Variants in CMTM4 observed in about 807,000 individuals in gnomAD.
CMTM4 encodes the protein CKLF like MARVEL transmembrane domain containing 4.
CMTM4 carries 8 observed loss-of-function variants against 19.0 expected under a neutral mutation model. The observed-to-expected ratio is 0.42, with a 90% confidence interval of 0.25 to 0.76. CMTM4 has a LOEUF of 0.76. Among genes scored for constraint, CMTM4 ranks in the 30% least tolerant of loss-of-function variants. CMTM4 has a pLI of 0.27. For missense variants in CMTM4, 228 were observed against 290.2 expected (o/e 0.79, Z 1.56); for synonymous variants, 106 against 121.1 (o/e 0.88, Z 0.82).
At chr16:66,614,561 C>T (rs1338775161), downstream of CMTM4, among the ~76,000 whole-genome samples, 1 of 152,188 alleles carries the variant, frequency 6.6e-6, no homozygotes, top group Non-Finnish European at 1.5e-5. This position sits in a 1 kb window ranked among gnomAD's most constrained non-coding sequence, Gnocchi z 4.9. Context: ...AGTGGAGAGG[C>T]CCCTGGTGGA....
chr16:66,646,425 G>A (rs2016200223), intron 1 of CMTM4, among the ~76,000 whole-genome samples: 1 of 151,856 alleles, frequency 6.6e-6, no homozygotes, highest in African/African-American at 2.4e-5. Flanking sequence ...GTATATAACT[G>A]CATGTATGTA....
chr16:66,637,772 G>A (rs944175188), intron 1 of CMTM4, among the ~76,000 whole-genome samples: 2 of 152,154 alleles, frequency 1.3e-5, no homozygotes, highest in African/African-American at 4.8e-5. Context: ...CTCCCGCTCC[G>A]CCCAGTTCAG....
the CMTM4 span, among the ~76,000 whole-genome samples, chr16:66,603,522 C>T: frequency 3.9e-5 from 6 of 152,222 alleles, no homozygotes; most frequent in Admixed American, 3.3e-4. Flanking sequence ...CTCCTGACCT[C>T]GTGATCCACC....
In CMTM4 at chr16:66,622,116, G is replaced by C. The variant is rs1197310431; in HGVS notation, c.569C>G (p.Ala190Gly). Residue 190 changes from alanine to glycine, a missense_variant, in exon 4 of 4, where the codon GCC (alanine) becomes GGC (glycine). This residue lies in a region of CMTM4 where 200 missense variants were observed against 226.6 expected (regional missense o/e 0.88). Transcript: ENST00000394106. This position sits in a 1 kb window ranked among gnomAD's most constrained non-coding sequence, Gnocchi z 4.0. Reference sequence around the variant, plus strand: ...GTCCACATCCCTGGACTCCGTGCGGGCTCGGATGTAGTCATTGGTGCTCTG... The same window carrying C: ...GTCCACATCCCTGGACTCCGTGCGGCCTCGGATGTAGTCATTGGTGCTCTG... ...RQQSTNDYIR[A>G]RTESRDVDSR... 6.2e-7 allele frequency: 1 copy of C among 1,605,850 alleles called. No homozygotes were observed. The highest frequency in any genetic ancestry group is 8.5e-7 in the Non-Finnish European group (1 of 1,176,080).
chr16:66,642,577 G>A (rs1279894595), intron 1 of CMTM4, among the ~76,000 whole-genome samples: 1 of 152,102 alleles, frequency 6.6e-6, no homozygotes, highest in Non-Finnish European at 1.5e-5. Context: ...TTAGCTGGGT[G>A]TGGTGGCACA....
intron 1 of CMTM4, among the ~76,000 whole-genome samples, chr16:66,685,390 G>A (rs1172776509): frequency 2.6e-5 from 4 of 151,968 alleles, no homozygotes; most frequent in Admixed American, 2.0e-4. Context: ...ATGGCTCAGG[G>A]AAGACTGCTG....
At chr16:66,677,009 G>C (rs1291099777) in intron 1 of CMTM4, among the ~76,000 whole-genome samples, 2 of 152,260 alleles carry the variant, frequency 1.3e-5, no homozygotes, top group Non-Finnish European at 2.9e-5. Context: ...CAGTACTTTG[G>C]GGGCCAGGGC....
Position 66,619,006 on chromosome 16 carries a change from C to T in CMTM4, c.*3052G>A. On this transcript the variant is annotated 3_prime_UTR_variant, in exon 4 of 4. Coordinates refer to ENST00000394106, the MANE Select transcript of CMTM4 (RefSeq NM_181521.3). ...GCAGGCTGCCACATTCTTGCTTTTT[C>T]TGTAGACAAAAGTCACCTCCCTCGG... 1.0e-6 allele frequency: 1 copy of T among 985,478 alleles called. No homozygotes were observed. 61.0% of individuals were successfully genotyped at this position (985,478 alleles called of 1,614,324 possible).
intron 1 of CMTM4, among the ~76,000 whole-genome samples, chr16:66,664,781 A>G (rs2016562263): frequency 6.6e-6 from 1 of 152,182 alleles, no homozygotes; most frequent in Admixed American, 6.6e-5. Context: ...AGAGGGAACA[A>G]ACAGAAAATA....
intron 1 of CMTM4, among the ~76,000 whole-genome samples, chr16:66,654,584 C>CA (rs1206231661): frequency 6.6e-6 from 1 of 152,134 alleles, no homozygotes; most frequent in Non-Finnish European, 1.5e-5. Context: ...AATGTGAGTG[C>CA]AAAAATCCTC....
In CMTM4 at chr16:66,617,447, T is replaced by C. The variant is rs1359851922; in HGVS notation, c.*4611A>G. The C allele has an allele frequency of 6.6e-7, 1 of 1,525,626 alleles. No homozygotes were observed. Among genetic ancestry groups the C allele is most frequent in the Non-Finnish European group, 8.8e-7 (1 of 1,137,140 alleles). The allele number at this position is 1,525,626 out of a possible 1,614,324, so 94.5% of individuals were successfully genotyped here. On this transcript the variant is annotated 3_prime_UTR_variant, in exon 4 of 4. Coordinates refer to ENST00000394106, the MANE Select transcript of CMTM4 (RefSeq NM_181521.3). ...CCAGACAAAAGAAGGGAAAATACAATAGGACCCACTCCGCTTCAAGCTAAA... is the reference window on the plus strand; with the variant it reads ...CCAGACAAAAGAAGGGAAAATACAACAGGACCCACTCCGCTTCAAGCTAAA...
chr16:66,678,434 C>T (rs953972982), intron 1 of CMTM4, among the ~76,000 whole-genome samples: 2 of 152,142 alleles, frequency 1.3e-5, no homozygotes, highest in African/African-American at 2.4e-5. Context: ...TGAATGCTTT[C>T]GAAATGAACC....
chr16:66,653,969 G>C (rs532375876), intron 1 of CMTM4, among the ~76,000 whole-genome samples: 1 of 152,130 alleles, frequency 6.6e-6, no homozygotes, highest in East Asian at 1.9e-4. Context: ...TCAAACTCCT[G>C]GCCTCAAGTG....
intron 2 of CMTM4, among the ~76,000 whole-genome samples, chr16:66,624,923 G>A (rs985403493): frequency 6.6e-6 from 1 of 152,214 alleles, no homozygotes; most frequent in African/African-American, 2.4e-5. Context: ...GCGTAAGCCA[G>A]GGCAAATTTT....
chr16:66,649,216 C>G (rs2016263495), intron 1 of CMTM4, among the ~76,000 whole-genome samples: 1 of 152,070 alleles, frequency 6.6e-6, no homozygotes, highest in South Asian at 2.1e-4. Context: ...GAGACCCTGT[C>G]TCTTAAAAAA....
In CMTM4 at chr16:66,619,467, A is replaced by G; in HGVS notation, c.*2591T>C. 1.0e-6 allele frequency: 1 copy of G among 985,496 alleles called. No individual in the cohort carries two copies. Among genetic ancestry groups the G allele is most frequent in the Non-Finnish European group, 1.2e-6 (1 of 829,944 alleles). 61.0% of individuals were successfully genotyped at this position (985,496 alleles called of 1,614,324 possible). The stretch of plus-strand genomic sequence containing the variant: ...GAAAAACTAAGGTCGCTCAGCCTTC[A>G]AATGCCCCAAACCAAACTGATATTG... On this transcript the variant is annotated 3_prime_UTR_variant, in exon 4 of 4. Coordinates refer to ENST00000394106, the MANE Select transcript of CMTM4 (RefSeq NM_181521.3).
At chr16:66,692,405 G>T (rs969329217) in intron 1 of CMTM4, among the ~76,000 whole-genome samples, 2 of 152,134 alleles carry the variant, frequency 1.3e-5, no homozygotes, top group African/African-American at 4.8e-5. Context: ...ACACTGAAAG[G>T]ATATAGAAAG....
At chr16:66,683,127 G>GTA (rs2016946596) in intron 1 of CMTM4, among the ~76,000 whole-genome samples, 2 of 128,256 alleles carry the variant, frequency 1.6e-5, no homozygotes, top group South Asian at 2.6e-4. Flanking sequence ...GTGTGTGTGT[G>GTA]TGTATATATA....
intron 1 of CMTM4, among the ~76,000 whole-genome samples, chr16:66,674,624 G>A (rs1484739136): frequency 2.0e-5 from 3 of 151,764 alleles, no homozygotes; most frequent in African/African-American, 4.8e-5. Flanking sequence ...TCATCGAAAC[G>A]AGTCAGCAAG....
Sources: gnomAD v4.1 joint callset for allele counts (sites outside exome capture counted in the v4.1 genomes callset) on GRCh38, gnomAD v4.1.1 for gene constraint, gnomAD v4.1.1 regional missense constraint, Gnocchi (gnomAD v3.1) non-coding constraint, MANE v1.5 for transcripts, NCBI Gene and HGNC (gene_info 2026-07-23, HGNC 2026-07-21) for gene names.